Variants in CEP128 observed in about 807,000 individuals in gnomAD.
CEP128 encodes centrosomal protein 128, also known as centrosomal protein 128kDa.
Under a neutral mutation model 156.7 loss-of-function variants are expected in CEP128, and 132 were observed. That is an observed-to-expected ratio of 0.84 (90% CI 0.73 to 0.97). The LOEUF is 0.97. Among genes scored for constraint, CEP128 ranks in the 50% least tolerant of loss-of-function variants. CEP128 has a pLI of 0.00. For synonymous variants in CEP128, 469 were observed against 448.9 expected, an observed-to-expected ratio of 1.04 and a Z score of -0.57; for missense variants, 1,252 against 1,281.9, an observed-to-expected ratio of 0.98 and a Z score of 0.36.
intron 19 of CEP128, among the ~76,000 whole-genome samples, chr14:80,609,489 AT>A (rs549875023): frequency 3.4e-4 from 52 of 152,256 alleles, no homozygotes; most frequent in African/African-American, 1.2e-3. Flanking sequence ...TCCACTGGGT[AT>A]TTGGGTGTCC....
At chr14:80,735,558 C>T (rs1290972808) in intron 19 of CEP128, among the ~76,000 whole-genome samples, 2 of 152,140 alleles carry the variant, frequency 1.3e-5, no homozygotes, top group East Asian at 1.9e-4. Flanking sequence ...AATCAAGTAG[C>T]AGAGAACCTA....
chr14:80,592,038 C>A (rs990217330), intron 19 of CEP128, among the ~76,000 whole-genome samples: 2 of 152,012 alleles, frequency 1.3e-5, no homozygotes, highest in Non-Finnish European at 2.9e-5. Flanking sequence ...CACTAAATGC[C>A]CACAAGAGAA....
chr14:80,855,131 G>C (rs1413425097), intron 9 of CEP128, among the ~76,000 whole-genome samples: 1 of 152,118 alleles, frequency 6.6e-6, no homozygotes, highest in Non-Finnish European at 1.5e-5. Flanking sequence ...ATTTTCACTT[G>C]CTACACGCAT....
chr14:80,588,164 AT>A (rs1426612134), intron 19 of CEP128, among the ~76,000 whole-genome samples: 4 of 151,920 alleles, frequency 2.6e-5, no homozygotes, highest in Admixed American at 2.0e-4. Flanking sequence ...TTTTTAGTGA[AT>A]TTTTTTTCTA....
chr14:80,738,108 C>T (rs906896639), intron 19 of CEP128, among the ~76,000 whole-genome samples: 1 of 152,072 alleles, frequency 6.6e-6, no homozygotes, highest in African/African-American at 2.4e-5. Flanking sequence ...TAAGACAAAT[C>T]TGAAAAACTG....
chr14:80,867,225 C>T lies in CEP128; in HGVS notation c.646-4352G>A, dbSNP rs117860083. On this transcript the variant is annotated intron_variant, in intron 8 of 24. Coordinates refer to ENST00000555265, the MANE Select transcript of CEP128 (RefSeq NM_152446.5). ...GTGAACCTGATAACTGACATGACTG[C>T]TAAGCAACTAATGGGTGAGTTGTGT... Among the ~76,000 whole-genome samples the T allele has an allele frequency of 8.3e-3, 1,263 of 152,184 alleles. 14 individuals are homozygous for T. Among genetic ancestry groups the T allele is most frequent in the Non-Finnish European group, 1.0e-2 (680 of 68,002 alleles).
At chr14:80,852,830 T>C (rs1295803261) in intron 9 of CEP128, among the ~76,000 whole-genome samples, 1 of 151,884 alleles carries the variant, frequency 6.6e-6, no homozygotes, top group Non-Finnish European at 1.5e-5. Flanking sequence ...AATGTAACCA[T>C]GCTTCTAAAA....
chr14:80,821,475 T>C (rs2139998492), intron 13 of CEP128, among the ~76,000 whole-genome samples: 1 of 152,256 alleles, frequency 6.6e-6, no homozygotes, highest in East Asian at 1.9e-4. Flanking sequence ...CAAATAAGTA[T>C]TCCCAAAGCT....
intron 16 of CEP128, among the ~76,000 whole-genome samples, chr14:80,765,590 G>C (rs1006804354): frequency 6.6e-6 from 1 of 152,172 alleles, no homozygotes; most frequent in Non-Finnish European, 1.5e-5. Context: ...TAACTTCAAT[G>C]TTTCAGGGTG....
chr14:80,645,940 A>G (rs1278190573), intron 19 of CEP128, among the ~76,000 whole-genome samples: 3 of 152,218 alleles, frequency 2.0e-5, no homozygotes, highest in Non-Finnish European at 4.4e-5. Context: ...ACTTAAGTGC[A>G]TATTACTACG....
chr14:80,896,727 T>C (rs370605340), intron 7 of CEP128, among the ~76,000 whole-genome samples: 2 of 152,320 alleles, frequency 1.3e-5, no homozygotes, highest in Non-Finnish European at 2.9e-5. Flanking sequence ...CATTATCTTT[T>C]GGCTTTATAT....
intron 20 of CEP128, among the ~76,000 whole-genome samples, chr14:80,566,671 A>C (rs528391214): frequency 6.6e-6 from 1 of 152,360 alleles, no homozygotes; most frequent in South Asian, 2.1e-4. Context: ...TTGTCTATAC[A>C]TCAAATACTC....
chr14:80,706,170 C>CA (rs146022624), intron 19 of CEP128, among the ~76,000 whole-genome samples: 1,895 of 150,136 alleles, frequency 0.013, 17 homozygotes, highest in Non-Finnish European at 0.015. Flanking sequence ...TACTATAAGA[C>CA]AAAAAAAAAC....
intron 2 of CEP128, among the ~76,000 whole-genome samples, chr14:80,930,460 T>C (rs1297574652): frequency 1.3e-5 from 2 of 152,134 alleles, no homozygotes; most frequent in Admixed American, 6.5e-5. Flanking sequence ...CAAATGTCAC[T>C]GGAGAGCTTC....
chr14:80,838,910 T>A (rs1407656109), intron 10 of CEP128, among the ~76,000 whole-genome samples: 1 of 152,118 alleles, frequency 6.6e-6, no homozygotes, highest in African/African-American at 2.4e-5. Context: ...CCATCCTGGC[T>A]AACACGGTGA....
At chr14:80,839,648 T>C (rs904016888) in intron 10 of CEP128, among the ~76,000 whole-genome samples, 5 of 152,162 alleles carry the variant, frequency 3.3e-5, no homozygotes, top group African/African-American at 9.7e-5. Flanking sequence ...TTGAGGCAAA[T>C]TGGGTGCATG....
chr14:80,537,230 C>T (rs182805691), intron 21 of CEP128, among the ~76,000 whole-genome samples: 5 of 152,226 alleles, frequency 3.3e-5, no homozygotes, highest in African/African-American at 1.2e-4. Context: ...CAAATTACTG[C>T]TTTCTTATTT....
chr14:80,727,202 TA>T (rs1261291976), intron 19 of CEP128, among the ~76,000 whole-genome samples: 1 of 151,954 alleles, frequency 6.6e-6, no homozygotes, highest in Admixed American at 6.6e-5. Context: ...TAAACAAAAA[TA>T]AGGTAACAAT....
chr14:80,873,778 G>T (rs1888144195), intron 8 of CEP128, among the ~76,000 whole-genome samples: 1 of 152,138 alleles, frequency 6.6e-6, no homozygotes. Flanking sequence ...AATTATGGGG[G>T]CGGGTCTTTC....
Sources: allele counts gnomAD v4.1 joint callset (sites outside exome capture counted in the v4.1 genomes callset), GRCh38; gene constraint gnomAD v4.1.1; transcripts MANE v1.5; gene names NCBI Gene and HGNC (gene_info 2026-07-23, HGNC 2026-07-21).